ATP8A2: variants seen among roughly 807,000 people sequenced by gnomAD.
The protein encoded by ATP8A2 is phospholipid-transporting ATPase IB.
Under a neutral mutation model 165.6 loss-of-function variants are expected in ATP8A2, and 100 were observed. The ratio of observed to expected loss-of-function variants is 0.60; its 90% CI spans 0.51 to 0.71. The LOEUF (loss-of-function observed/expected upper bound fraction) is 0.71. Among genes scored for constraint, ATP8A2 ranks in the 30% least tolerant of loss-of-function variants. The pLI, the probability that ATP8A2 is intolerant of heterozygous loss-of-function variation, is 0.00. For missense variants in ATP8A2, 1,227 were observed against 1,479.5 expected, an observed-to-expected ratio of 0.83 and a Z score of 2.80; for synonymous variants, 543 against 548.8, an observed-to-expected ratio of 0.99 and a Z score of 0.15.
chr13:25,670,090 A>G (rs1033774109), intron 24 of ATP8A2, among the ~76,000 whole-genome samples: 4 of 152,188 alleles, frequency 2.6e-5, no homozygotes, highest in African/African-American at 9.6e-5. Flanking sequence ...CTTTTTCTTC[A>G]TTCGGCATAT....
chr13:25,567,710 T>C (rs2039355695), intron 16 of ATP8A2, among the ~76,000 whole-genome samples: 1 of 152,236 alleles, frequency 6.6e-6, no homozygotes, highest in Non-Finnish European at 1.5e-5. Context: ...TCTTGGATCC[T>C]TGAGGCCTTC....
chr13:25,723,621 T>C (rs1009806585), intron 25 of ATP8A2, among the ~76,000 whole-genome samples: 2 of 152,192 alleles, frequency 1.3e-5, no homozygotes, highest in Non-Finnish European at 2.9e-5. Flanking sequence ...TTCAGTTCAT[T>C]TGCACAGAGG....
intron 24 of ATP8A2, among the ~76,000 whole-genome samples, chr13:25,596,890 AT>A (rs2138343890): frequency 6.6e-6 from 1 of 152,098 alleles, no homozygotes; most frequent in East Asian, 1.9e-4. Context: ...GCGAGTTTTC[AT>A]TTTTGCGTAT....
chr13:25,869,345 C>T (rs1952614110), intron 33 of ATP8A2, among the ~76,000 whole-genome samples: 1 of 152,000 alleles, frequency 6.6e-6, no homozygotes, highest in Non-Finnish European at 1.5e-5. Flanking sequence ...GTTTCAGATT[C>T]TTTCTACAGG....
chr13:25,541,009 A>C (rs981870424), intron 8 of ATP8A2, among the ~76,000 whole-genome samples: 8 of 151,652 alleles, frequency 5.3e-5, no homozygotes, highest in Non-Finnish European at 1.2e-4. Flanking sequence ...CTACAGGTGC[A>C]TGCTACTACA....
intron 24 of ATP8A2, among the ~76,000 whole-genome samples, chr13:25,619,119 C>T (rs773908697): frequency 3.3e-5 from 5 of 152,254 alleles, no homozygotes; most frequent in South Asian, 2.1e-4. Flanking sequence ...CTCAGAGAGG[C>T]GAGAACGGCC....
chr13:25,413,648 G>C (rs146745898), intron 1 of ATP8A2, among the ~76,000 whole-genome samples: 1 of 152,152 alleles, frequency 6.6e-6, no homozygotes, highest in South Asian at 2.1e-4. Flanking sequence ...TTATCCTTAA[G>C]TGTAGTGTGG....
In ATP8A2 at chr13:26,009,857, G is replaced by A. The variant is rs1956807605; in HGVS notation, c.3378-2674G>A. On this transcript the variant is annotated intron_variant, in intron 35 of 36. Coordinates refer to ENST00000381655, the MANE Select transcript of ATP8A2 (RefSeq NM_016529.6). ...GAAGTGGGCGGATCACCTGAGGTCA[G>A]GAGTTCAAGACCAGTCTGGCCAACA... Among the ~76,000 whole-genome samples, 4 of 152,302 alleles carry A rather than the reference G, an allele frequency of 2.6e-5. No homozygotes were observed. In the South Asian group the frequency reaches 8.3e-4, roughly 32 times the overall value.
At chr13:25,571,747 G>A in intron 18 of ATP8A2, 55 bp downstream of exon 18, 1 of 1,399,252 alleles carries the variant, frequency 7.1e-7, no homozygotes, top group Non-Finnish European at 1.0e-6. Flanking sequence ...AAGATTGTGT[G>A]TGTGAAATGG....
intron 2 of ATP8A2, among the ~76,000 whole-genome samples, chr13:25,486,428 A>C (rs2036355301): frequency 2.0e-5 from 3 of 152,208 alleles, no homozygotes; most frequent in Non-Finnish European, 2.9e-5. Flanking sequence ...TTCACAGCCA[A>C]GTATGTTTTC....
chr13:25,382,077 C>T (rs1327595472), intron 1 of ATP8A2, among the ~76,000 whole-genome samples: 1 of 152,194 alleles, frequency 6.6e-6, no homozygotes, highest in Non-Finnish European at 1.5e-5. Flanking sequence ...TGTGCTCCAG[C>T]TGTTCATCCC....
chr13:25,517,384 A>G (rs564701822), intron 2 of ATP8A2, among the ~76,000 whole-genome samples: 1 of 152,184 alleles, frequency 6.6e-6, no homozygotes, highest in African/African-American at 2.4e-5. Context: ...CAGCATGCTC[A>G]GTGGTCAAAA....
At chr13:25,994,248 A>G (rs1292404060) in intron 35 of ATP8A2, among the ~76,000 whole-genome samples, 4 of 152,130 alleles carry the variant, frequency 2.6e-5, no homozygotes, top group South Asian at 2.1e-4. Flanking sequence ...ACATAAATAT[A>G]TATATATACA....
At chr13:25,807,935 C>G (rs1217256705) in intron 27 of ATP8A2, among the ~76,000 whole-genome samples, 1 of 152,046 alleles carries the variant, frequency 6.6e-6, no homozygotes, top group Non-Finnish European at 1.5e-5. Flanking sequence ...CTACAGTAAG[C>G]TACTCATTTA....
intron 29 of ATP8A2, among the ~76,000 whole-genome samples, chr13:25,837,853 A>G (rs1394784053): frequency 6.6e-6 from 1 of 152,192 alleles, no homozygotes; most frequent in Non-Finnish European, 1.5e-5. Flanking sequence ...AAAAAAAAGA[A>G]AGATATAGGT....
chr13:25,789,636 A>G (rs2045116922), intron 27 of ATP8A2, among the ~76,000 whole-genome samples: 2 of 152,394 alleles, frequency 1.3e-5, no homozygotes, highest in African/African-American at 4.8e-5. Context: ...AAGAATCAGT[A>G]AAATGGCCAT....
chr13:25,828,596 G>A (rs1460123133), intron 28 of ATP8A2, among the ~76,000 whole-genome samples: 8 of 152,132 alleles, frequency 5.3e-5, no homozygotes, highest in African/African-American at 1.9e-4. Context: ...TGTGTGATCT[G>A]GTGTCCGTTC....
chr13:25,994,137 T>C (rs1008879093), intron 35 of ATP8A2, among the ~76,000 whole-genome samples: 3 of 152,180 alleles, frequency 2.0e-5, no homozygotes, highest in Non-Finnish European at 4.4e-5. Context: ...CATCTGTGTG[T>C]TCATTGATAA....
chr13:25,873,639 TC>T (rs1303731829), intron 33 of ATP8A2, among the ~76,000 whole-genome samples: 2 of 146,610 alleles, frequency 1.4e-5, no homozygotes, highest in Non-Finnish European at 1.5e-5. Flanking sequence ...CCTAAGTATC[TC>T]TTTTTTTTTT....
Sources: allele counts gnomAD v4.1 joint callset (sites outside exome capture counted in the v4.1 genomes callset), GRCh38; gene constraint gnomAD v4.1.1; transcripts MANE v1.5; gene names NCBI Gene and HGNC (gene_info 2026-07-23, HGNC 2026-07-21).